Variants in CHST9 observed in about 807,000 individuals in gnomAD.
The protein encoded by CHST9 is carbohydrate sulfotransferase 9.
A neutral mutation model predicts 44.4 loss-of-function variants in CHST9; 41 were observed. The observed-to-expected ratio is 0.92, with a 90% CI of 0.72 to 1.20. CHST9 has a LOEUF of 1.20. Among genes scored for constraint, CHST9 ranks in the 50% most tolerant of loss-of-function variants. The pLI is 0.00. For synonymous variants in CHST9, 171 were observed against 178.4 expected (o/e 0.96, Z 0.33); for missense variants, 504 against 516.5 (o/e 0.98, Z 0.23).
chr18:26,959,725 G>A (rs1179974617), intron 4 of CHST9, among the ~76,000 whole-genome samples: 2 of 152,190 alleles, frequency 1.3e-5, no homozygotes. Flanking sequence ...AGCAAAAATT[G>A]TATGATGGGC....
intron 2 of CHST9, among the ~76,000 whole-genome samples, chr18:27,116,739 T>A (rs1413082286): frequency 6.6e-6 from 1 of 152,216 alleles, no homozygotes; most frequent in Non-Finnish European, 1.5e-5. Context: ...ATTAGATATC[T>A]TTCCATTTAT....
chr18:27,144,071 C>T (rs2058591707), intron 1 of CHST9, among the ~76,000 whole-genome samples: 1 of 152,126 alleles, frequency 6.6e-6, no homozygotes, highest in African/African-American at 2.4e-5. Context: ...AGTTAGCAGC[C>T]CGGCTAATGG....
In CHST9 at chr18:26,914,304, T is replaced by G. The variant is rs2145038645; in HGVS notation, c.*1955A>C. On this transcript the variant is annotated 3_prime_UTR_variant, in exon 6 of 6. Coordinates refer to ENST00000618847, the MANE Select transcript of CHST9 (RefSeq NM_031422.6). ...GTTCCTTATATAGTTTTAGGAATAC[T>G]TTTGAGGAAATTGCCTTTATTCTTT... 1 of 152,340 alleles carries G rather than the reference T, an allele frequency of 6.6e-6. No individual in the cohort carries two copies. The highest frequency in any genetic ancestry group is 2.1e-4 in the South Asian group (1 of 4,826). 9.4% of individuals were successfully genotyped at this position (152,340 alleles called of 1,614,324 possible).
intron 2 of CHST9, among the ~76,000 whole-genome samples, chr18:27,073,121 G>A (rs2057859730): frequency 6.6e-6 from 1 of 152,170 alleles, no homozygotes; most frequent in South Asian, 2.1e-4. Flanking sequence ...AGGTGAATAT[G>A]TAGCTGGATG....
chr18:27,157,712 A>G (rs985777983), intron 1 of CHST9, among the ~76,000 whole-genome samples: 4 of 152,212 alleles, frequency 2.6e-5, no homozygotes, highest in Non-Finnish European at 5.9e-5. Flanking sequence ...AAATAAATAT[A>G]GATATATAGA....
rs549661317 is a variant in CHST9, at chr18:27,113,748, G to A, written c.121+28941C>T. Among the ~76,000 whole-genome samples the A allele has an allele frequency of 1.4e-3, 215 of 152,252 alleles. 2 individuals carry two copies. The highest frequency in any genetic ancestry group is 2.2e-3 in the Non-Finnish European group (152 of 68,018). On this transcript the variant is annotated intron_variant, in intron 2 of 5. Transcript: ENST00000618847. The stretch of plus-strand genomic sequence containing the variant: ...CTAGAATGATGAGACATAAATTTCT[G>A]TTGTTTACAAGCTCCCCAGTTTACG...
chr18:26,938,942 C>T (rs563729615), intron 5 of CHST9, among the ~76,000 whole-genome samples: 6 of 152,148 alleles, frequency 3.9e-5, no homozygotes, highest in Non-Finnish European at 5.9e-5. Flanking sequence ...AGGGAGTAGA[C>T]TCTAAATTTA....
chr18:27,050,202 C>T (rs2057549312), intron 2 of CHST9, among the ~76,000 whole-genome samples: 2 of 152,214 alleles, frequency 1.3e-5, no homozygotes, highest in Non-Finnish European at 2.9e-5. Flanking sequence ...CTTTGGCAGC[C>T]TCCAAATGAG....
chr18:27,164,196 CAAAACAAAGT>C (rs1397693142), intron 1 of CHST9, among the ~76,000 whole-genome samples: 1 of 150,710 alleles, frequency 6.6e-6, no homozygotes, highest in Non-Finnish European at 1.5e-5. Flanking sequence ...CAAAACAAAA[CAAAACAAAGT>C]AAAACCAAAA....
chr18:26,935,559 T>C (rs1258017937), intron 5 of CHST9: 1 of 152,206 alleles, frequency 6.6e-6, no homozygotes, highest in East Asian at 1.9e-4. Context: ...AGAATTCTGA[T>C]TGGCTAATCA....
chr18:27,041,211 C>G (rs2057440973), intron 3 of CHST9, among the ~76,000 whole-genome samples: 1 of 152,104 alleles, frequency 6.6e-6, no homozygotes, highest in African/African-American at 2.4e-5. Flanking sequence ...TGTCATCTAG[C>G]TCTTGAATAT....
chr18:26,943,093 C>A (rs899595383), intron 5 of CHST9, among the ~76,000 whole-genome samples: 4 of 151,624 alleles, frequency 2.6e-5, no homozygotes, highest in Non-Finnish European at 5.9e-5. Context: ...GGTGACAGAG[C>A]GAGACTCCGT....
intron 2 of CHST9, among the ~76,000 whole-genome samples, chr18:27,135,187 T>C (rs2058503381): frequency 6.6e-6 from 1 of 152,088 alleles, no homozygotes; most frequent in Non-Finnish European, 1.5e-5. Context: ...ATTAAAAAAA[T>C]TTAAAAATAA....
At chr18:27,096,263 G>A (rs996917684) in intron 2 of CHST9, among the ~76,000 whole-genome samples, 8 of 151,878 alleles carry the variant, frequency 5.3e-5, no homozygotes, top group African/African-American at 1.9e-4. Context: ...ACATATCAAA[G>A]TCTCTGGGAT....
intron 5 of CHST9, chr18:26,936,620 G>GA (rs370770935): frequency 1.1e-4 from 16 of 152,102 alleles, no homozygotes; most frequent in African/African-American, 3.9e-4. Flanking sequence ...TGTGTTGAGA[G>GA]AAAAATCTCA....
chr18:27,140,738 G>A (rs904068117), intron 2 of CHST9, among the ~76,000 whole-genome samples: 3 of 152,076 alleles, frequency 2.0e-5, no homozygotes, highest in East Asian at 3.8e-4. Flanking sequence ...CAGGATCTAT[G>A]CTAAGGGTTA....
At chr18:27,022,430 T>G (rs1225729284) in intron 4 of CHST9, among the ~76,000 whole-genome samples, 1 of 152,196 alleles carries the variant, frequency 6.6e-6, no homozygotes, top group Non-Finnish European at 1.5e-5. Flanking sequence ...TTCATTTCCA[T>G]TTCTTCACAT....
At chr18:27,152,741 T>C (rs1029380045) in intron 1 of CHST9, among the ~76,000 whole-genome samples, 6 of 152,050 alleles carry the variant, frequency 3.9e-5, no homozygotes, top group African/African-American at 1.2e-4. Context: ...TAGATAGAGA[T>C]AGAAGATTTT....
intron 3 of CHST9, among the ~76,000 whole-genome samples, chr18:27,029,839 T>A (rs1160910622): frequency 6.6e-6 from 1 of 152,196 alleles, no homozygotes; most frequent in Non-Finnish European, 1.5e-5. Flanking sequence ...CCGACATACA[T>A]GAAGGGCTGA....
Sources: allele counts gnomAD v4.1 joint callset (sites outside exome capture counted in the v4.1 genomes callset), GRCh38; gene constraint gnomAD v4.1.1; transcripts MANE v1.5; gene names NCBI Gene and HGNC (gene_info 2026-07-23, HGNC 2026-07-21).